FRMPD4: variants seen among roughly 807,000 people sequenced by gnomAD.
The protein encoded by FRMPD4 is FERM and PDZ domain containing 4.
FRMPD4 carries 22 observed loss-of-function variants against 94.1 expected under a neutral mutation model. That is an observed-to-expected ratio of 0.23 (90% CI 0.17 to 0.33). The LOEUF (loss-of-function observed/expected upper bound fraction) is 0.33, where lower values mean the gene tolerates loss of function less well. Ranked by LOEUF, FRMPD4 falls within the 10% of genes least tolerant of loss-of-function variation. The pLI is 1.00. For missense variants in FRMPD4, 1,111 were observed against 1,339.9 expected (o/e 0.83, Z 2.67); for synonymous variants, 631 against 548.6 (o/e 1.15, Z -2.10).
intron 1 of FRMPD4, among the ~76,000 whole-genome samples, chrX:11,826,896 C>T (rs1306576336): frequency 9.2e-6 from 1 of 108,767 alleles, no homozygotes; most frequent in Non-Finnish European, 1.9e-5. Context: ...AATGCAAGCA[C>T]CGTGAGAGAG....
intron 1 of FRMPD4, among the ~76,000 whole-genome samples, chrX:12,295,425 GA>G (rs2054756999): frequency 8.9e-6 from 1 of 112,400 alleles, no homozygotes; most frequent in Non-Finnish European, 1.9e-5. Context: ...CTGCCTTCTA[GA>G]AAGAGCTGTT....
chrX:12,126,049 C>T (rs188723619), intron 3 of FRMPD4, among the ~76,000 whole-genome samples: 1 of 112,609 alleles, frequency 8.9e-6, no homozygotes, highest in Non-Finnish European at 1.9e-5. Flanking sequence ...GAATTTACAT[C>T]ACTCCATATA....
At chrX:12,714,512 G>A (rs186419020) in intron 14 of FRMPD4, among the ~76,000 whole-genome samples, 5 of 111,927 alleles carry the variant, frequency 4.5e-5, no homozygotes, top group African/African-American at 1.6e-4. Flanking sequence ...CATTCACAGA[G>A]TGGACATATC....
intron 1 of FRMPD4, among the ~76,000 whole-genome samples, chrX:12,179,894 A>G (rs1000556424): frequency 9.9e-6 from 1 of 100,568 alleles, no homozygotes; most frequent in Non-Finnish European, 2.0e-5. Context: ...TTTAAAGTAT[A>G]TTTGTTTCTT....
At chrX:12,468,446 C>T (rs373625428) in intron 1 of FRMPD4, among the ~76,000 whole-genome samples, 4 of 111,462 alleles carry the variant, frequency 3.6e-5, no homozygotes, top group South Asian at 3.8e-4. Flanking sequence ...TGTCATATCC[C>T]AATTTGATGT....
intron 1 of FRMPD4, among the ~76,000 whole-genome samples, chrX:12,149,861 C>T (rs2055822944): frequency 9.0e-6 from 1 of 111,644 alleles, no homozygotes; most frequent in African/African-American, 3.3e-5. Flanking sequence ...CCACAGCCAC[C>T]CCAGCCTTCA....
At chrX:12,646,403 C>T (rs1338082749) in intron 4 of FRMPD4, among the ~76,000 whole-genome samples, 1 of 111,767 alleles carries the variant, frequency 8.9e-6, no homozygotes, top group Non-Finnish European at 1.9e-5. Flanking sequence ...TAAAGTATCA[C>T]TATTGATCAA....
intron 3 of FRMPD4, among the ~76,000 whole-genome samples, chrX:11,878,261 C>T (rs1224274532): frequency 1.8e-5 from 2 of 111,971 alleles, no homozygotes; most frequent in East Asian, 2.8e-4. Context: ...AGGACAAAGC[C>T]GTATACTACT....
At chrX:12,523,169 A>T (rs73192460) in intron 2 of FRMPD4, among the ~76,000 whole-genome samples, 41,276 of 111,341 alleles carry the variant, frequency 0.37, 5,685 homozygotes, top group African/African-American at 0.48. Context: ...TTCTAATAGC[A>T]GCCCCTTCAT....
chrX:12,149,539 G>A (rs2055818747), intron 1 of FRMPD4, among the ~76,000 whole-genome samples: 1 of 112,059 alleles, frequency 8.9e-6, no homozygotes, highest in Non-Finnish European at 1.9e-5. Flanking sequence ...CTGAATTGCC[G>A]CAATCTCATC....
intron 1 of FRMPD4, among the ~76,000 whole-genome samples, chrX:12,222,664 C>T (rs1448879399): frequency 8.9e-6 from 1 of 112,189 alleles, no homozygotes; most frequent in Non-Finnish European, 1.9e-5. Context: ...CACTCCCACA[C>T]CCAGATCCAA....
chrX:12,156,258 G>A (rs2055934714), intron 1 of FRMPD4, among the ~76,000 whole-genome samples: 1 of 111,436 alleles, frequency 9.0e-6, no homozygotes. Context: ...CTATCAATTA[G>A]GGTCTATTTC....
intron 6 of FRMPD4, among the ~76,000 whole-genome samples, chrX:12,684,828 G>C (rs946860045): frequency 8.9e-6 from 1 of 112,262 alleles, no homozygotes; most frequent in Non-Finnish European, 1.9e-5. Flanking sequence ...TTCATCCCTG[G>C]ATATAGCAGG....
intron 1 of FRMPD4, among the ~76,000 whole-genome samples, chrX:12,458,888 C>T (rs754231509): frequency 3.3e-4 from 36 of 108,195 alleles, no homozygotes; most frequent in South Asian, 1.9e-3. Flanking sequence ...TTCCAAACCA[C>T]GTCCTGTGTT....
At chrX:12,378,402 C>T (rs1398375115) in intron 1 of FRMPD4, among the ~76,000 whole-genome samples, 1 of 112,533 alleles carries the variant, frequency 8.9e-6, no homozygotes, top group African/African-American at 3.2e-5. Context: ...CGCTTGCTCT[C>T]TAGTCATGTG....
chrX:12,244,126 G>GTT (rs1239712286), intron 1 of FRMPD4, among the ~76,000 whole-genome samples: 1 of 109,469 alleles, frequency 9.1e-6, no homozygotes, highest in Admixed American at 9.8e-5. Flanking sequence ...GTTTTGTTTT[G>GTT]TTTTTTATTT....
intron 16 of FRMPD4, 89 bp from the exon 17 acceptor site, chrX:12,720,445 A>G: frequency 1.0e-6 from 1 of 978,481 alleles, no homozygotes; most frequent in Non-Finnish European, 1.4e-6. Context: ...ACCTTGAGAA[A>G]TGACAGACAT....
intron 2 of FRMPD4, among the ~76,000 whole-genome samples, chrX:12,505,751 G>GC (rs200411055): frequency 0.052 from 4,667 of 89,557 alleles, 134 homozygotes; most frequent in East Asian, 0.11. Context: ...AAAAAAAAAG[G>GC]GGGGGAGAGC....
At chrX:12,611,982 G>A (rs773236172) in intron 3 of FRMPD4, among the ~76,000 whole-genome samples, 2 of 110,336 alleles carry the variant, frequency 1.8e-5, no homozygotes, top group South Asian at 3.8e-4. Flanking sequence ...GATGTAGACA[G>A]CAATAATATG....
Sources: gnomAD v4.1 joint callset for allele counts (sites outside exome capture counted in the v4.1 genomes callset) on GRCh38, gnomAD v4.1.1 for gene constraint, MANE v1.5 for transcripts, NCBI Gene and HGNC (gene_info 2026-07-23, HGNC 2026-07-21) for gene names.